Variants in ACSM6 observed in about 807,000 individuals in gnomAD.
The protein encoded by ACSM6 is acyl-coenzyme A synthetase ACSM6, mitochondrial.
ACSM6 carries 35 observed loss-of-function variants against 51.1 expected under a neutral mutation model. The ratio of observed to expected loss-of-function variants is 0.69; its 90% CI spans 0.52 to 0.91. ACSM6 has a LOEUF of 0.91. ACSM6 is among the 40% of genes least tolerant of loss of function. ACSM6 has a pLI of 0.00. For synonymous variants in ACSM6, 172 were observed against 207.3 expected, an observed-to-expected ratio of 0.83 and a Z score of 1.46; for missense variants, 509 against 584.1, an observed-to-expected ratio of 0.87 and a Z score of 1.32.
intron 9 of ACSM6, among the ~76,000 whole-genome samples, chr10:95,223,629 C>T (rs1234513890): frequency 1.3e-5 from 2 of 152,006 alleles, no homozygotes; most frequent in Non-Finnish European, 2.9e-5. Flanking sequence ...ACACCAACAC[C>T]TATTTATGGT....
chr10:95,196,127 G>A (rs551919629), intron 2 of ACSM6, among the ~76,000 whole-genome samples: 10 of 152,286 alleles, frequency 6.6e-5, no homozygotes, highest in South Asian at 2.1e-4. Context: ...TAGGGCTAGC[G>A]TTGTGCCTTT....
At chr10:95,215,550 A>G (rs2034936251) in intron 8 of ACSM6, among the ~76,000 whole-genome samples, 1 of 152,190 alleles carries the variant, frequency 6.6e-6, no homozygotes, top group Non-Finnish European at 1.5e-5. Context: ...GGCAAGGGAT[A>G]TAGGGATATT....
chr10:95,194,906 G>A (rs576309640), intron 2 of ACSM6, among the ~76,000 whole-genome samples: 3 of 152,348 alleles, frequency 2.0e-5, no homozygotes, highest in South Asian at 4.1e-4. Context: ...CAAGTTATTT[G>A]CCTTCTAGGA....
At chr10:95,223,636 T>G (rs533609766) in intron 9 of ACSM6, among the ~76,000 whole-genome samples, 1 of 152,108 alleles carries the variant, frequency 6.6e-6, no homozygotes, top group Non-Finnish European at 1.5e-5. Context: ...CACCTATTTA[T>G]GGTAACAACC....
At chr10:95,212,789 C>G in intron 6 of ACSM6, 69 bp from the exon 7 acceptor site, 3 of 1,255,292 alleles carry the variant, frequency 2.4e-6, no homozygotes, top group Non-Finnish European at 3.5e-6. Context: ...CCGCCTGGAC[C>G]CCTGCCACAG....
At chr10:95,195,315 GAGA>G (rs1352227252) in intron 2 of ACSM6, among the ~76,000 whole-genome samples, 1 of 152,182 alleles carries the variant, frequency 6.6e-6, no homozygotes, top group Non-Finnish European at 1.5e-5. Context: ...CCTGAAGAAT[GAGA>G]AGAATTTCAA....
At chr10:95,220,368 G>C (rs951293212) in intron 9 of ACSM6, among the ~76,000 whole-genome samples, 4 of 152,186 alleles carry the variant, frequency 2.6e-5, no homozygotes, top group African/African-American at 9.6e-5. Flanking sequence ...CTAGTCAGCT[G>C]CTCGGGTGTC....
At chr10:95,219,514 T>C (rs1463251095) in intron 8 of ACSM6, among the ~76,000 whole-genome samples, 1 of 152,252 alleles carries the variant, frequency 6.6e-6, no homozygotes. Context: ...TTTGTTCCAA[T>C]TAAGCACACA....
chr10:95,209,816 T>TA (rs2034877201), intron 4 of ACSM6, among the ~76,000 whole-genome samples: 2 of 152,128 alleles, frequency 1.3e-5, no homozygotes, highest in South Asian at 4.1e-4. Flanking sequence ...TTGAATAATT[T>TA]AATTTTTTTT....
At chr10:95,225,472 T>G (rs1564592753) in intron 10 of ACSM6, 81 bp downstream of exon 10, 2 of 1,026,358 alleles carry the variant, frequency 1.9e-6, no homozygotes, top group East Asian at 2.9e-5. Flanking sequence ...ACTTTATGAT[T>G]TGCCAAATAC....
intron 10 of ACSM6, 183 bp downstream of exon 10, chr10:95,225,574 G>T: frequency 2.2e-6 from 1 of 458,536 alleles, no homozygotes; most frequent in Non-Finnish European, 3.8e-6. Context: ...TTAAGATTTT[G>T]CCCCATTTAC....
At chr10:95,201,879 G>T in intron 2 of ACSM6, 106 bp from the exon 3 acceptor site, 1 of 907,042 alleles carries the variant, frequency 1.1e-6, no homozygotes. Flanking sequence ...AGGCATCCTA[G>T]CCTCTCAAGA....
At chr10:95,216,110 T>G (rs2034941439) in intron 8 of ACSM6, among the ~76,000 whole-genome samples, 2 of 152,104 alleles carry the variant, frequency 1.3e-5, no homozygotes, top group Non-Finnish European at 2.9e-5. Flanking sequence ...TTATTTTATT[T>G]TTTAGCACAG....
chr10:95,197,834 A>G lies in ACSM6; in HGVS notation c.192+3157A>G, dbSNP rs570950399. Among the ~76,000 whole-genome samples the G allele has an allele frequency of 2.6e-5, 4 of 152,368 alleles. No homozygotes were observed. The East Asian group carries it at 7.7e-4, about 29-fold the overall frequency. ...ATCCCACGAGGCCATATTTCAGACT[A>G]TCACATGGGGAGAAACCTTGGACGA... On this transcript the variant is annotated intron_variant, in intron 2 of 10. Coordinates refer to ENST00000341686, the Ensembl canonical transcript of ACSM6.
intron 9 of ACSM6, among the ~76,000 whole-genome samples, chr10:95,224,169 A>C (rs1053434573): frequency 6.6e-6 from 1 of 152,216 alleles, no homozygotes; most frequent in African/African-American, 2.4e-5. Context: ...TCAAAGTATA[A>C]AGATGTATTA....
chr10:95,203,010 T>C (rs1380995122), intron 3 of ACSM6, among the ~76,000 whole-genome samples: 2 of 150,998 alleles, frequency 1.3e-5, no homozygotes, highest in African/African-American at 4.9e-5. Context: ...GTCTGTGACA[T>C]GTTAGGAACT....
chr10:95,194,989 G>A (rs1181941036), intron 2 of ACSM6, among the ~76,000 whole-genome samples: 1 of 152,156 alleles, frequency 6.6e-6, no homozygotes, highest in East Asian at 1.9e-4. Flanking sequence ...AAGATTAAAT[G>A]AGACAATCAA....
At chr10:95,219,762 C>A in intron 8 of ACSM6, 129 bp from the exon 9 acceptor site, 2 of 630,630 alleles carry the variant, frequency 3.2e-6, no homozygotes, top group Non-Finnish European at 2.6e-6. Flanking sequence ...TTTTTTTAAT[C>A]AAGATTACTT....
chr10:95,227,551 C>T (rs945770714), intron 10 of ACSM6, among the ~76,000 whole-genome samples: 3 of 152,172 alleles, frequency 2.0e-5, no homozygotes, highest in African/African-American at 7.2e-5. Flanking sequence ...AACACAACTT[C>T]AATACACTGA....
Sources: allele counts gnomAD v4.1 joint callset (sites outside exome capture counted in the v4.1 genomes callset), GRCh38; gene constraint gnomAD v4.1.1; transcripts MANE v1.5; gene names NCBI Gene and HGNC (gene_info 2026-07-23, HGNC 2026-07-21).